The following SGK3 variants were observed in gnomAD, a reference collection of about 807,000 sequenced individuals.
SGK3 encodes serine/threonine-protein kinase Sgk3.
In SGK3, 47 loss-of-function variants were observed where a neutral mutation model predicts 68.5. The observed-to-expected ratio is 0.69, with a 90% CI of 0.54 to 0.87. The LOEUF is 0.87. Ranked by LOEUF, SGK3 falls within the 40% of genes least tolerant of loss-of-function variation. The pLI is 0.00. For synonymous variants in SGK3, 181 were observed against 189.1 expected (o/e 0.96, Z 0.35); for missense variants, 479 against 575.5 (o/e 0.83, Z 1.72).
chr8:66,787,671 G>C (rs1171483322), intron 1 of SGK3, among the ~76,000 whole-genome samples: 1 of 152,198 alleles, frequency 6.6e-6, no homozygotes, highest in African/African-American at 2.4e-5. Flanking sequence ...GAGGCTGACT[G>C]ACATCCGTAA....
chr8:66,820,862 C>G (rs1201954760), intron 5 of SGK3, among the ~76,000 whole-genome samples: 1 of 151,970 alleles, frequency 6.6e-6, no homozygotes, highest in African/African-American at 2.4e-5. Context: ...CACCATCATG[C>G]CTGGGGTTTT....
chr8:66,737,863 AC>A (rs1372286224), intron 1 of SGK3, among the ~76,000 whole-genome samples: 1 of 151,840 alleles, frequency 6.6e-6, no homozygotes, highest in Non-Finnish European at 1.5e-5. Flanking sequence ...CCATCCGCCC[AC>A]CTTGGCCTCC....
chr8:66,834,687 A>G (rs1288443366), intron 8 of SGK3, among the ~76,000 whole-genome samples: 1 of 152,088 alleles, frequency 6.6e-6, no homozygotes, highest in Non-Finnish European at 1.5e-5. Flanking sequence ...TAATCTCAGC[A>G]CTTTGGGAGG....
At chr8:66,741,505 G>T (rs138188208) in intron 1 of SGK3, among the ~76,000 whole-genome samples, 1 of 151,990 alleles carries the variant, frequency 6.6e-6, no homozygotes, top group African/African-American at 2.4e-5. Flanking sequence ...AGCTGAGATC[G>T]CACCGCTGCA....
chr8:66,749,828 A>G (rs889723754), intron 1 of SGK3, among the ~76,000 whole-genome samples: 11 of 152,060 alleles, frequency 7.2e-5, no homozygotes, highest in Admixed American at 1.3e-4. Flanking sequence ...GAGTTGGAAT[A>G]CAATAATAAT....
chr8:66,775,883 C>T lies in SGK3; in HGVS notation c.-121-17733C>T, dbSNP rs1212619086. 2.1e-5 allele frequency among the ~76,000 whole-genome samples: 3 copies of T among 146,220 alleles called. No homozygotes were observed. In the East Asian group the frequency reaches 5.8e-4, roughly 28 times the overall value. ...TGGTTTTGAATCTACTTATTAACTG[C>T]GAAAACTTGGGCAATTTGCCTAACT... On this transcript the variant is annotated intron_variant, in intron 1 of 16. Coordinates refer to ENST00000521198, the MANE Select transcript of SGK3 (RefSeq NM_001033578.3).
chr8:66,791,641 C>T (rs1807458055), intron 1 of SGK3, among the ~76,000 whole-genome samples: 1 of 152,164 alleles, frequency 6.6e-6, no homozygotes, highest in Non-Finnish European at 1.5e-5. Context: ...TATAGCACAG[C>T]AAGGCACAAA....
rs148763321 is a variant in SGK3, at chr8:66,834,373, G to A, written c.526-1390G>A. 1.3e-4 allele frequency among the ~76,000 whole-genome samples: 20 copies of A among 152,318 alleles called. No individual in the cohort carries two copies. The East Asian group carries it at 3.7e-3, about 28-fold the overall frequency. ...GCAAAAGTTATCTGTGTTATTTGAAGTTGACATTGTGGTAGTTAGTTACCT... is the reference window on the plus strand; with the variant it reads ...GCAAAAGTTATCTGTGTTATTTGAAATTGACATTGTGGTAGTTAGTTACCT... On this transcript the variant is annotated intron_variant, in intron 8 of 16. Coordinates refer to ENST00000521198, the MANE Select transcript of SGK3 (RefSeq NM_001033578.3).
chr8:66,847,864 C>CTTTTT (rs34161130), intron 15 of SGK3, among the ~76,000 whole-genome samples: 1 of 111,190 alleles, frequency 9.0e-6, no homozygotes, highest in Non-Finnish European at 1.9e-5. Flanking sequence ...CACTAAGTCA[C>CTTTTT]TTTTTTTTTT....
At chr8:66,719,656 A>G (rs1010721304) in intron 1 of SGK3, among the ~76,000 whole-genome samples, 3 of 152,174 alleles carry the variant, frequency 2.0e-5, no homozygotes, top group African/African-American at 4.8e-5. Flanking sequence ...ATAGACATCT[A>G]TAGATCTATA....
chr8:66,746,378 T>C (rs1805655371), intron 1 of SGK3, among the ~76,000 whole-genome samples: 1 of 152,194 alleles, frequency 6.6e-6, no homozygotes, highest in Admixed American at 6.5e-5. Context: ...AGTCATTTCC[T>C]GAACCTTTCA....
chr8:66,776,045 T>C (rs1806696004), intron 1 of SGK3, among the ~76,000 whole-genome samples: 1 of 152,236 alleles, frequency 6.6e-6, no homozygotes, highest in Admixed American at 6.5e-5. Context: ...TTGTTATGCA[T>C]TCAGATGGGC....
intron 15 of SGK3, among the ~76,000 whole-genome samples, chr8:66,848,577 TTTC>T (rs1810133157): frequency 1.3e-5 from 2 of 152,160 alleles, no homozygotes; most frequent in Non-Finnish European, 2.9e-5. Flanking sequence ...ATCCTGTCAT[TTTC>T]TTCTTCGTAT....
intron 1 of SGK3, among the ~76,000 whole-genome samples, chr8:66,738,474 T>G (rs1805387229): frequency 3.9e-5 from 6 of 152,208 alleles, no homozygotes; most frequent in Admixed American, 3.9e-4. Context: ...TTAGCCACAT[T>G]GTGATCCTCT....
At chr8:66,775,303 G>C (rs1806656774) in intron 1 of SGK3, 1 of 152,380 alleles carries the variant, frequency 6.6e-6, no homozygotes, top group African/African-American at 2.4e-5. Flanking sequence ...CCATGCGCCG[G>C]GGGTGGGTGC....
At chr8:66,816,337 C>CTTTTT (rs1177867449) in intron 5 of SGK3, among the ~76,000 whole-genome samples, 34 of 114,118 alleles carry the variant, frequency 3.0e-4, no homozygotes, top group East Asian at 5.3e-4. Context: ...GTGACATTTC[C>CTTTTT]TTTTTTTTTT....
chr8:66,849,593 A>T (rs370325370), intron 15 of SGK3, among the ~76,000 whole-genome samples: 1,407 of 122,756 alleles, frequency 0.011, 53 homozygotes, highest in African/African-American at 0.039. Flanking sequence ...TTGGGGGAAT[A>T]TTTTTTTTTT....
intron 1 of SGK3, among the ~76,000 whole-genome samples, chr8:66,755,267 A>AAAC (rs993750322): frequency 6.6e-6 from 1 of 151,944 alleles, no homozygotes; most frequent in African/African-American, 2.4e-5. Flanking sequence ...TCAAAAAAAA[A>AAAC]AAAAAACGAA....
At chr8:66,762,388 G>A (rs897640173) in intron 1 of SGK3, among the ~76,000 whole-genome samples, 1 of 152,108 alleles carries the variant, frequency 6.6e-6, no homozygotes. Flanking sequence ...GTGGTGGCAT[G>A]TGCCTTTAAT....
Sources: allele counts gnomAD v4.1 joint callset (sites outside exome capture counted in the v4.1 genomes callset), GRCh38; gene constraint gnomAD v4.1.1; transcripts MANE v1.5; gene names NCBI Gene and HGNC (gene_info 2026-07-23, HGNC 2026-07-21).